The following FKBP4 variants were observed in gnomAD, a reference collection of about 807,000 sequenced individuals.
FKBP4 encodes FKBP prolyl isomerase 4.
Under a neutral mutation model 54.1 loss-of-function variants are expected in FKBP4, and 28 were observed. The observed-to-expected ratio is 0.52, with a 90% confidence interval of 0.38 to 0.71. FKBP4 has a LOEUF of 0.71. Ranked by LOEUF, FKBP4 falls within the 30% of genes least tolerant of loss-of-function variation. FKBP4 has a pLI of 0.00. For missense variants in FKBP4, 493 were observed against 574.4 expected (o/e 0.86, Z 1.45); for synonymous variants, 223 against 216.1 (o/e 1.03, Z -0.28).
At position 2,803,298 on chromosome 12, in the gene FKBP4, C is replaced by G; in HGVS notation, c.*40C>G. Reference sequence around the variant, plus strand: ...CCCTACTCCTGCGGCTGCCTGCCCCCCAGTCTCCCCACTCCACCCTGTTAG... The same window carrying G: ...CCCTACTCCTGCGGCTGCCTGCCCCGCAGTCTCCCCACTCCACCCTGTTAG... On this transcript the variant is annotated 3_prime_UTR_variant, in exon 10 of 10. Transcript: ENST00000001008. The G allele has an allele frequency of 7.3e-7, 1 of 1,365,266 alleles. No individual in the cohort carries two copies. Among genetic ancestry groups the G allele is most frequent in the Non-Finnish European group, 1.0e-6 (1 of 985,320 alleles). The allele number at this position is 1,365,266 out of a possible 1,614,324, so 84.6% of individuals were successfully genotyped here.
chr12:2,795,288 CCGCGGGCCG>C lies in FKBP4; in HGVS notation c.105+46_105+54del. On this transcript the variant is annotated intron_variant, in intron 1 of 9. Coordinates refer to ENST00000001008, the MANE Select transcript of FKBP4 (RefSeq NM_002014.4). The surrounding 1 kb of genome is among the most constrained non-coding windows in gnomAD (Gnocchi z 4.3). Reference sequence around the variant, plus strand: ...TGCGGAGGCGTCGGAACCCGGGGCCCCGCGGGCCGCCCTTCCGCCGCGCCCGGAGCCCGC... The same window carrying C: ...TGCGGAGGCGTCGGAACCCGGGGCCCCCCTTCCGCCGCGCCCGGAGCCCGC... 1 of 1,092,066 alleles carries C rather than the reference CCGCGGGCCG, an allele frequency of 9.2e-7. No individual in the cohort carries two copies. The highest frequency in any genetic ancestry group is 4.3e-5 in the South Asian group (1 of 23,374). 67.6% of individuals were successfully genotyped at this position (1,092,066 alleles called of 1,614,324 possible). A position where few individuals can be genotyped will look rare whatever the true frequency, so the allele number is the denominator to read the frequency against.
chr12:2,796,418 A>G (rs539483350), intron 1 of FKBP4: 3 of 1,279,478 alleles, frequency 2.3e-6, no homozygotes, highest in Non-Finnish European at 3.1e-6. Flanking sequence ...TTACCTTTCT[A>G]CTCCTCAAAG....
At chr12:2,799,369 G>A (rs935049213) in intron 5 of FKBP4, 125 bp downstream of exon 5, 14 of 1,010,446 alleles carry the variant, frequency 1.4e-5, no homozygotes, top group Admixed American at 3.4e-5. Flanking sequence ...ACACCATTAT[G>A]ATATCCTCAG....
chr12:2,803,829 CCCCT>C lies in FKBP4; in HGVS notation c.*573_*576del, dbSNP rs1231257097. 2 of 153,136 alleles carry C rather than the reference CCCCT, an allele frequency of 1.3e-5. No homozygotes were observed. Among genetic ancestry groups the C allele is most frequent in the Non-Finnish European group, 2.9e-5 (2 of 68,414 alleles). 9.5% of individuals were successfully genotyped at this position (153,136 alleles called of 1,614,324 possible). A position where few individuals can be genotyped will look rare whatever the true frequency, so the allele number is the denominator to read the frequency against. On this transcript the variant is annotated 3_prime_UTR_variant, in exon 10 of 10. Transcript: ENST00000001008. ...GTTCTGGTATTTCCCCTGTCAGTTT[CCCCT>C]CTCGGCCAGGTTGTGTCCCAAAATC...
rs1555074796 is a variant in FKBP4, at chr12:2,798,371, A to AT, written c.394-332dup. Among the ~76,000 whole-genome samples the AT allele has an allele frequency of 6.6e-6, 1 of 152,218 alleles. No homozygotes were observed. Among genetic ancestry groups the AT allele is most frequent in the Non-Finnish European group, 1.5e-5 (1 of 68,034 alleles). On this transcript the variant is annotated intron_variant, in intron 3 of 9. Coordinates refer to ENST00000001008, the MANE Select transcript of FKBP4 (RefSeq NM_002014.4). This position sits in a 1 kb window ranked among gnomAD's most constrained non-coding sequence, Gnocchi z 4.3. ...AACTGCTGAGAGATGTTGGGTAATC[A>AT]TTTCTAATACCTACCAGGTTGGGCT...
chr12:2,796,827 A>G (rs888649878), intron 1 of FKBP4: 2 of 1,146,528 alleles, frequency 1.7e-6, no homozygotes, highest in Non-Finnish European at 2.2e-6. Context: ...GGAGATAGGG[A>G]TTATCATCAC....
intron 1 of FKBP4, chr12:2,796,392 C>T: frequency 7.8e-7 from 1 of 1,288,764 alleles, no homozygotes; most frequent in South Asian, 1.2e-5. Context: ...CCCTTTGATC[C>T]ATCATTCCTT....
intron 1 of FKBP4, chr12:2,796,271 G>A (rs1391371002): frequency 7.8e-7 from 1 of 1,289,188 alleles, no homozygotes; most frequent in East Asian, 5.5e-5. Flanking sequence ...CCAGATTATT[G>A]GGGACCTCAA....
At chr12:2,799,819 A>G in intron 5 of FKBP4, 31 bp from the exon 6 acceptor site, 1 of 1,591,498 alleles carries the variant, frequency 6.3e-7, no homozygotes, top group Non-Finnish European at 8.6e-7. Context: ...AGTGTTGCCA[A>G]GATGATACAT....
At position 2,804,282 on chromosome 12, in the gene FKBP4, G is replaced by A. The variant is rs1017618338; in HGVS notation, c.*1024G>A. The A allele has an allele frequency of 1.3e-5, 2 of 152,218 alleles. No individual in the cohort carries two copies. The highest frequency in any genetic ancestry group is 4.8e-5 in the African/African-American group (2 of 41,444). 9.4% of individuals were successfully genotyped at this position (152,218 alleles called of 1,614,324 possible). A position where few individuals can be genotyped will look rare whatever the true frequency, so the allele number is the denominator to read the frequency against. On this transcript the variant is annotated 3_prime_UTR_variant, in exon 10 of 10. Coordinates refer to ENST00000001008, the MANE Select transcript of FKBP4 (RefSeq NM_002014.4). ...AAGATCTAGAAGACTGGGACACCAT[G>A]CATGTTCATTTTGAAGTTGGAATTG...
chr12:2,801,004 G>A, intron 8 of FKBP4, 113 bp from the exon 9 acceptor site: 1 of 1,428,668 alleles, frequency 7.0e-7, no homozygotes, highest in Non-Finnish European at 9.5e-7. Flanking sequence ...GGTGCAGCCA[G>A]CCACTTGCAT....
chr12:2,798,771 A>G lies in FKBP4; in HGVS notation c.459A>G (p.Arg153=). The G allele has an allele frequency of 6.2e-7, 1 of 1,614,202 alleles. No individual in the cohort carries two copies. The highest frequency in any genetic ancestry group is 8.5e-7 in the Non-Finnish European group (1 of 1,180,044). ...TEEEDGGIIR[R]IQTRGEGYAK... Reference sequence around the variant, plus strand: ...AGGAAGATGGCGGAATCATTCGCAGAATACAGACTCGCGGTGAAGGCTATG... The same window carrying G: ...AGGAAGATGGCGGAATCATTCGCAGGATACAGACTCGCGGTGAAGGCTATG... The change falls in exon 4 of 10, where the codon AGA becomes AGG. Residue 153 remains arginine, a synonymous_variant. Coordinates refer to ENST00000001008, the MANE Select transcript of FKBP4 (RefSeq NM_002014.4). The surrounding 1 kb of genome is among the most constrained non-coding windows in gnomAD (Gnocchi z 4.3).
intron 2 of FKBP4, among the ~76,000 whole-genome samples, chr12:2,797,487 C>G (rs760345417): frequency 3.9e-5 from 6 of 151,946 alleles, no homozygotes; most frequent in African/African-American, 1.5e-4. Context: ...CTCCCAACAC[C>G]TTACTCCCCC....
At position 2,801,364 on chromosome 12, in the gene FKBP4, T is replaced by G; in HGVS notation, c.1272+8T>G. The G allele has an allele frequency of 6.2e-7, 1 of 1,613,826 alleles. No homozygotes were observed. Among genetic ancestry groups the G allele is most frequent in the African/African-American group, 1.3e-5 (1 of 74,998 alleles). ...GCTGAGGAGGAGAACAAGGTGAGGA[T>G]TGGGGTGGGGAACAGTTGGAATAGC... On this transcript the variant is annotated splice_region_variant and intron_variant, in intron 9 of 9. Transcript: ENST00000001008.
rs1020225346 is a variant in FKBP4 at position 2,795,009 on chromosome 12, C to T, written c.-131C>T. 5.7e-5 allele frequency: 23 copies of T among 404,120 alleles called. No homozygotes were observed. The highest frequency in any genetic ancestry group is 8.1e-5 in the Non-Finnish European group (20 of 247,364). The allele number at this position is 404,120 out of a possible 1,614,324, so 25.0% of individuals were successfully genotyped here. ...CGCGCCGCGTGCAGAGGTGCTCAAG[C>T]CTCCTCGCGGTCCGCAGTCAGTGCC... On this transcript the variant is annotated 5_prime_UTR_variant, in exon 1 of 10. Coordinates refer to ENST00000001008, the MANE Select transcript of FKBP4 (RefSeq NM_002014.4). This position sits in a 1 kb window ranked among gnomAD's most constrained non-coding sequence, Gnocchi z 4.3.
In FKBP4 at chr12:2,795,967, GGT is replaced by G. The variant is rs2097901588; in HGVS notation, c.105+727_105+728del. Reference sequence around the variant, plus strand: ...CCGCCTCCCGGAGCCAGGGCTGCGGGGTGTGGGGCGGGGAGGAGGCGCTCTGC... The same window carrying G: ...CCGCCTCCCGGAGCCAGGGCTGCGGGGTGGGGCGGGGAGGAGGCGCTCTGC... On this transcript the variant is annotated intron_variant, in intron 1 of 9. Coordinates refer to ENST00000001008, the MANE Select transcript of FKBP4 (RefSeq NM_002014.4). The surrounding 1 kb of genome is among the most constrained non-coding windows in gnomAD (Gnocchi z 4.3). The G allele has an allele frequency of 9.4e-7, 1 of 1,061,154 alleles. No homozygotes were observed. The highest frequency in any genetic ancestry group is 1.7e-5 in the African/African-American group (1 of 58,922). The allele number at this position is 1,061,154 out of a possible 1,614,324, so 65.7% of individuals were successfully genotyped here. A position where few individuals can be genotyped will look rare whatever the true frequency, so the allele number is the denominator to read the frequency against.
rs1860355 is a variant in FKBP4, at chr12:2,795,648, T to C, written c.105+404T>C. ...CTCCCACGCCACGCCGCCCCCGACCTCGCGGCCCCAGCGGAGCTGCCAGCC... is the reference window on the plus strand; with the variant it reads ...CTCCCACGCCACGCCGCCCCCGACCCCGCGGCCCCAGCGGAGCTGCCAGCC... On this transcript the variant is annotated intron_variant, in intron 1 of 9. Coordinates refer to ENST00000001008, the MANE Select transcript of FKBP4 (RefSeq NM_002014.4). This position sits in a 1 kb window ranked among gnomAD's most constrained non-coding sequence, Gnocchi z 4.3. 147,781 of 149,288 alleles carry C rather than the reference T, an allele frequency of 0.99. 73,153 individuals are homozygous for C. The highest frequency in any genetic ancestry group is 1 in the Middle Eastern group (290 of 290). The allele number at this position is 149,288 out of a possible 1,614,324, so 9.2% of individuals were successfully genotyped here.
chr12:2,801,945 C>G (rs968208533), intron 9 of FKBP4: 1 of 141,476 alleles, frequency 7.1e-6, no homozygotes, highest in Non-Finnish European at 1.4e-5. Context: ...CTCCCTTTCC[C>G]CTAACACAGG....
chr12:2,796,976 C>T, intron 1 of FKBP4, 162 bp from the exon 2 acceptor site: 1 of 1,406,034 alleles, frequency 7.1e-7, no homozygotes, highest in South Asian at 1.6e-5. Flanking sequence ...TTAGTTGACT[C>T]ATAAGCCAAG....
Sources: gnomAD v4.1 joint callset for allele counts (sites outside exome capture counted in the v4.1 genomes callset) on GRCh38, gnomAD v4.1.1 for gene constraint, Gnocchi (gnomAD v3.1) non-coding constraint, MANE v1.5 for transcripts, NCBI Gene and HGNC (gene_info 2026-07-23, HGNC 2026-07-21) for gene names.